The following IMPG1 variants were observed in gnomAD, a reference collection of about 807,000 sequenced individuals.
IMPG1 encodes interphotoreceptor matrix proteoglycan of 150 kDa.
A neutral mutation model predicts 92.0 loss-of-function variants in IMPG1; 85 were observed. The ratio of observed to expected loss-of-function variants is 0.92; its 90% CI spans 0.78 to 1.11. The LOEUF (loss-of-function observed/expected upper bound fraction) is 1.11, where lower values mean the gene tolerates loss of function less well. IMPG1 is among the 50% of genes least tolerant of loss of function. The pLI, the probability that IMPG1 is intolerant of heterozygous loss-of-function variation, is 0.00. For synonymous variants in IMPG1, 367 were observed against 334.1 expected, an observed-to-expected ratio of 1.10 and a Z score of -1.08; for missense variants, 1,022 against 956.0, an observed-to-expected ratio of 1.07 and a Z score of -0.91.
At chr6:75,927,963 T>C (rs1781587269) in intron 15 of IMPG1, among the ~76,000 whole-genome samples, 1 of 152,158 alleles carries the variant, frequency 6.6e-6, no homozygotes, top group South Asian at 2.1e-4. Flanking sequence ...GATCACCTTA[T>C]GCCTTGCTTT....
At chr6:75,932,864 C>A (rs1053655251) in intron 14 of IMPG1, among the ~76,000 whole-genome samples, 13 of 152,056 alleles carry the variant, frequency 8.5e-5, no homozygotes, top group Non-Finnish European at 1.9e-4. Context: ...CCATGCCCAG[C>A]TAATTTTTGT....
chr6:75,947,841 T>C (rs1200714342), intron 13 of IMPG1, among the ~76,000 whole-genome samples: 2 of 145,664 alleles, frequency 1.4e-5, no homozygotes, highest in Non-Finnish European at 3.0e-5. Context: ...AAAGCAGGAA[T>C]GCCAAGTTCA....
rs779987522 is a variant in IMPG1, at chr6:75,950,543, G to T, written c.1824+19C>A. ...AAGAAGAGACAAAGAATTGGGAATT[G>T]TGAGCAGTGCCCACTCACCAGCTGT... is the stretch of plus-strand genomic sequence containing the variant. On this transcript the variant is annotated intron_variant, in intron 13 of 16. Coordinates refer to ENST00000369950, the MANE Select transcript of IMPG1 (RefSeq NM_001563.4). 1.3e-6 allele frequency: 2 copies of T among 1,558,590 alleles called. 1 individual carries two copies. The highest frequency in any genetic ancestry group is 1.7e-6 in the Non-Finnish European group (2 of 1,153,988).
chr6:75,976,846 A>G (rs1473619263), intron 12 of IMPG1, among the ~76,000 whole-genome samples: 3 of 151,076 alleles, frequency 2.0e-5, no homozygotes, highest in Non-Finnish European at 4.4e-5. Flanking sequence ...CAGAAGGAGG[A>G]GCTTGCAGTG....
intron 12 of IMPG1, among the ~76,000 whole-genome samples, chr6:75,994,302 A>C (rs1782862463): frequency 6.6e-6 from 1 of 152,236 alleles, no homozygotes; most frequent in Non-Finnish European, 1.5e-5. Flanking sequence ...TCTGGGTGAC[A>C]GTTTCCTAAA....
Position 75,965,606 on chromosome 6 carries a change from C to CTTTTTTTTTTTTTTT in IMPG1, c.1292-14527_1292-14513dup, listed in dbSNP as rs35490140. 4.4e-5 allele frequency among the ~76,000 whole-genome samples: 5 copies of CTTTTTTTTTTTTTTT among 112,516 alleles called. 1 individual carries two copies. The highest frequency in any genetic ancestry group is 1.1e-4 in the Admixed American group (1 of 8,772). 73.8% of individuals were successfully genotyped at this position (112,516 alleles called of 152,430 possible). A position where few individuals can be genotyped will look rare whatever the true frequency, so the allele number is the denominator to read the frequency against. On this transcript the variant is annotated intron_variant, in intron 12 of 16. Coordinates refer to ENST00000369950, the MANE Select transcript of IMPG1 (RefSeq NM_001563.4). Reference sequence around the variant, plus strand: ...TGTTTATATTTTCTACATACTTGTTCTTTTTTTTTTTTTTTTTTTGAGACG... The same window carrying CTTTTTTTTTTTTTTT: ...TGTTTATATTTTCTACATACTTGTTCTTTTTTTTTTTTTTTTTTTTTTTTTTTTTTTTTTGAGACG...
At chr6:75,977,307 G>A (rs112840684) in intron 12 of IMPG1, among the ~76,000 whole-genome samples, 3 of 152,208 alleles carry the variant, frequency 2.0e-5, no homozygotes, top group African/African-American at 7.2e-5. Flanking sequence ...GACTTAAGCC[G>A]CCAGGCGCGG....
chr6:75,995,284 A>G (rs1431896007), intron 12 of IMPG1, among the ~76,000 whole-genome samples: 4 of 152,170 alleles, frequency 2.6e-5, no homozygotes, highest in African/African-American at 9.7e-5. Flanking sequence ...GTTCTCCACA[A>G]TATAGTCAGA....
chr6:76,030,311 G>T (rs1246364280), intron 4 of IMPG1, among the ~76,000 whole-genome samples: 1 of 151,986 alleles, frequency 6.6e-6, no homozygotes, highest in Non-Finnish European at 1.5e-5. Context: ...GAGGGAAAGA[G>T]GATGCTTTTC....
intron 1 of IMPG1, among the ~76,000 whole-genome samples, chr6:76,049,960 T>C (rs192727753): frequency 6.6e-6 from 1 of 152,298 alleles, no homozygotes; most frequent in Non-Finnish European, 1.5e-5. Flanking sequence ...ACCTAGATTC[T>C]GCAACCCAGT....
intron 4 of IMPG1, among the ~76,000 whole-genome samples, chr6:76,027,255 C>T (rs1245978008): frequency 6.6e-6 from 1 of 152,178 alleles, no homozygotes; most frequent in Non-Finnish European, 1.5e-5. Flanking sequence ...AGGTTATAAA[C>T]TGCTTTTTGG....
intron 1 of IMPG1, among the ~76,000 whole-genome samples, chr6:76,049,229 A>G (rs1050659245): frequency 6.6e-6 from 1 of 152,194 alleles, no homozygotes; most frequent in Admixed American, 6.5e-5. Flanking sequence ...ATCAGAAAAA[A>G]TAACTATAGG....
At chr6:75,959,474 C>T (rs1229559417) in intron 12 of IMPG1, among the ~76,000 whole-genome samples, 8 of 152,190 alleles carry the variant, frequency 5.3e-5, no homozygotes, top group East Asian at 1.9e-4. Flanking sequence ...CCACAGCCCC[C>T]CCTTCCCCCA....
chr6:75,932,032 G>T (rs1266279559), intron 14 of IMPG1, among the ~76,000 whole-genome samples: 1 of 152,212 alleles, frequency 6.6e-6, no homozygotes, highest in Non-Finnish European at 1.5e-5. Context: ...GCCCCAGAAG[G>T]TCTCCTGTTC....
At chr6:75,991,396 TAAA>T (rs112523017) in intron 12 of IMPG1, among the ~76,000 whole-genome samples, 2 of 127,670 alleles carry the variant, frequency 1.6e-5, no homozygotes, top group Admixed American at 1.6e-4. Context: ...GCCTTGGAAA[TAAA>T]AAAAAAAAAA....
At chr6:76,070,272 T>C (rs1227436448) in intron 1 of IMPG1, among the ~76,000 whole-genome samples, 1 of 152,114 alleles carries the variant, frequency 6.6e-6, no homozygotes, top group African/African-American at 2.4e-5. Flanking sequence ...TAAAACCACA[T>C]TGAGATACTA....
chr6:76,041,785 T>C, intron 2 of IMPG1, 108 bp downstream of exon 2: 1 of 688,228 alleles, frequency 1.5e-6, no homozygotes, highest in South Asian at 1.8e-5. Flanking sequence ...ATAATTCTTG[T>C]GGCTAAATGA....
chr6:75,967,689 A>C (rs1315580464), intron 12 of IMPG1, among the ~76,000 whole-genome samples: 1 of 152,248 alleles, frequency 6.6e-6, no homozygotes, highest in Non-Finnish European at 1.5e-5. Flanking sequence ...AAAACAAAAC[A>C]AAAAACATGT....
chr6:75,978,426 T>C (rs1389660355), intron 12 of IMPG1, among the ~76,000 whole-genome samples: 2 of 152,232 alleles, frequency 1.3e-5, no homozygotes, highest in African/African-American at 4.8e-5. Flanking sequence ...ATGCTCTTTA[T>C]TTCATTTGTA....
Sources: gnomAD v4.1 joint callset for allele counts (sites outside exome capture counted in the v4.1 genomes callset) on GRCh38, gnomAD v4.1.1 for gene constraint, MANE v1.5 for transcripts, NCBI Gene and HGNC (gene_info 2026-07-23, HGNC 2026-07-21) for gene names.